The following SCMH1 variants were observed in gnomAD, a reference collection of about 807,000 sequenced individuals.
The protein encoded by SCMH1 is Scm polycomb group protein homolog 1.
SCMH1 carries 37 observed loss-of-function variants against 70.8 expected under a neutral mutation model. The ratio of observed to expected loss-of-function variants is 0.52; its 90% CI spans 0.40 to 0.69. The LOEUF (loss-of-function observed/expected upper bound fraction) is 0.69, where lower values mean the gene tolerates loss of function less well. Ranked by LOEUF, SCMH1 falls within the 30% of genes least tolerant of loss-of-function variation. The pLI is 0.00. For synonymous variants in SCMH1, 292 were observed against 307.4 expected (o/e 0.95, Z 0.52); for missense variants, 607 against 827.3 (o/e 0.73, Z 3.27).
At chr1:41,171,883 A>T (rs2148511804) in intron 2 of SCMH1, among the ~76,000 whole-genome samples, 1 of 152,324 alleles carries the variant, frequency 6.6e-6, no homozygotes, top group South Asian at 2.1e-4. Flanking sequence ...TATGGGATAC[A>T]GCAAAAGCAA....
intron 4 of SCMH1, among the ~76,000 whole-genome samples, chr1:41,157,711 T>C (rs1054993754): frequency 6.6e-6 from 1 of 152,222 alleles, no homozygotes; most frequent in Non-Finnish European, 1.5e-5. Context: ...CTTGGTCCCA[T>C]ATCTTTGCCC....
intron 8 of SCMH1, among the ~76,000 whole-genome samples, chr1:41,091,671 C>A (rs559143535): frequency 4.8e-4 from 73 of 152,242 alleles, no homozygotes; most frequent in East Asian, 1.9e-3. Context: ...TAAGCTGATA[C>A]GCAACTTCAG....
chr1:41,083,984 A>T (rs1285483267), intron 8 of SCMH1, among the ~76,000 whole-genome samples: 1 of 152,196 alleles, frequency 6.6e-6, no homozygotes, highest in Admixed American at 6.5e-5. Context: ...TTCAAGATGG[A>T]TTAAAGACTT....
At chr1:41,122,451 T>C (rs1672182955) in intron 6 of SCMH1, among the ~76,000 whole-genome samples, 1 of 152,224 alleles carries the variant, frequency 6.6e-6, no homozygotes, top group South Asian at 2.1e-4. Flanking sequence ...CCTATCACCA[T>C]CTGAATTTTC....
At chr1:41,045,328 C>G (rs745672674) in intron 12 of SCMH1, among the ~76,000 whole-genome samples, 6 of 151,828 alleles carry the variant, frequency 4.0e-5, no homozygotes, top group Non-Finnish European at 7.3e-5. Flanking sequence ...GTCTGGCCCC[C>G]ACAGAGTATT....
chr1:41,161,032 G>A (rs1645976960), intron 3 of SCMH1, 134 bp from the exon 4 acceptor site: 1 of 979,340 alleles, frequency 1.0e-6, no homozygotes, highest in African/African-American at 1.6e-5. Flanking sequence ...AAGACACTGA[G>A]ATTCTTAGTA....
At chr1:41,227,689 A>G (rs377640760) in intron 1 of SCMH1, among the ~76,000 whole-genome samples, 3 of 152,194 alleles carry the variant, frequency 2.0e-5, no homozygotes, top group East Asian at 3.9e-4. Context: ...TAGGTAAAGA[A>G]AGGCAGATTT....
At chr1:41,142,962 C>T in exon 6 of SCMH1, 1 of 1,614,192 alleles carries the variant, frequency 6.2e-7, no homozygotes. Context: ...CGCCAGAAGT[C>T]ATTTTTGTTG....
rs999601238 is a variant in SCMH1, at chr1:41,242,080, G to C, written c.-139C>G. ...TTACCTGAGGGCGCGGCGGGGGCGCGGGGCGGCTCACTCTCTTCCCGCCGC... is the reference window on the plus strand; with the variant it reads ...TTACCTGAGGGCGCGGCGGGGGCGCCGGGCGGCTCACTCTCTTCCCGCCGC... On this transcript the variant is annotated 5_prime_UTR_variant, in exon 1 of 15. Transcript: ENST00000337495. This position sits in a 1 kb window ranked among gnomAD's most constrained non-coding sequence, Gnocchi z 5.2. The C allele has an allele frequency of 1.3e-5, 2 of 151,788 alleles. No individual in the cohort carries two copies. Among genetic ancestry groups the C allele is most frequent in the African/African-American group, 2.4e-5 (1 of 41,216 alleles). The allele number at this position is 151,788 out of a possible 1,614,324, so 9.4% of individuals were successfully genotyped here.
chr1:41,210,690 C>T (rs1197655723), intron 1 of SCMH1, among the ~76,000 whole-genome samples: 1 of 152,108 alleles, frequency 6.6e-6, no homozygotes, highest in Admixed American at 6.5e-5. Context: ...TTCTTTACAC[C>T]TTATACAAAA....
intron 1 of SCMH1, among the ~76,000 whole-genome samples, chr1:41,187,909 C>T (rs967095013): frequency 8.6e-5 from 13 of 152,006 alleles, no homozygotes; most frequent in African/African-American, 3.1e-4. Flanking sequence ...ATCACCTGAG[C>T]TCAGGAGGTC....
At chr1:41,142,511 C>T (rs1161337387) in intron 6 of SCMH1, among the ~76,000 whole-genome samples, 3 of 152,162 alleles carry the variant, frequency 2.0e-5, no homozygotes. Flanking sequence ...TTTCTACTGG[C>T]AGATTTTCTC....
At chr1:41,106,631 G>A (rs375031760) in intron 8 of SCMH1, among the ~76,000 whole-genome samples, 1 of 151,958 alleles carries the variant, frequency 6.6e-6, no homozygotes, top group Non-Finnish European at 1.5e-5. Context: ...GCCTTCCTCT[G>A]CTGTGCCTTA....
intron 1 of SCMH1, among the ~76,000 whole-genome samples, chr1:41,187,211 C>A (rs1342361551): frequency 2.0e-5 from 3 of 151,976 alleles, no homozygotes; most frequent in Non-Finnish European, 4.4e-5. Flanking sequence ...GTCTGTAGTC[C>A]CAGCACTTTG....
intron 2 of SCMH1, among the ~76,000 whole-genome samples, chr1:41,175,011 T>C (rs1306927898): frequency 1.3e-5 from 2 of 152,208 alleles, no homozygotes; most frequent in Non-Finnish European, 2.9e-5. Context: ...AGGAAATACA[T>C]ACGGATGCCG....
At position 41,085,326 on chromosome 1, in the gene SCMH1, C is replaced by T. The variant is rs568667883; in HGVS notation, c.746-9875G>A. 4.6e-5 allele frequency among the ~76,000 whole-genome samples: 7 copies of T among 151,984 alleles called. No individual in the cohort carries two copies. In the East Asian group the frequency reaches 1.2e-3, roughly 25 times the overall value. ...CTATTAATGCTGGAAAGGTTTTTGA[C>T]AAAATTAAGCACTCAAGAAAATATA... is the stretch of plus-strand genomic sequence containing the variant. On this transcript the variant is annotated intron_variant, in intron 8 of 14. Transcript: ENST00000337495.
chr1:41,192,777 A>C (rs754687777), intron 1 of SCMH1, among the ~76,000 whole-genome samples: 9 of 152,120 alleles, frequency 5.9e-5, no homozygotes, highest in Non-Finnish European at 1.2e-4. Flanking sequence ...TTTCTTACCT[A>C]GCATACCTAC....
At chr1:41,135,226 T>C (rs1330009273) in intron 6 of SCMH1, among the ~76,000 whole-genome samples, 1 of 152,154 alleles carries the variant, frequency 6.6e-6, no homozygotes, top group Non-Finnish European at 1.5e-5. Context: ...TTTCCTACTT[T>C]TTCTGTGATC....
intron 7 of SCMH1, among the ~76,000 whole-genome samples, 180 bp downstream of exon 7, chr1:41,116,742 T>C (rs112472365): frequency 2.6e-4 from 39 of 150,494 alleles, no homozygotes; most frequent in African/African-American, 9.4e-4. Context: ...ATCTAATCTA[T>C]GGGACCTTAT....
Sources: allele counts gnomAD v4.1 joint callset (sites outside exome capture counted in the v4.1 genomes callset), GRCh38; gene constraint gnomAD v4.1.1; non-coding constraint Gnocchi (gnomAD v3.1); transcripts MANE v1.5; gene names NCBI Gene and HGNC (gene_info 2026-07-23, HGNC 2026-07-21).